NBAS: variants seen among roughly 807,000 people sequenced by gnomAD.
NBAS encodes NAG/BC035112 fusion.
In NBAS, 219 loss-of-function variants were observed where a neutral mutation model predicts 302.5. The ratio of observed to expected loss-of-function variants is 0.72; its 90% CI spans 0.65 to 0.81. NBAS has a LOEUF of 0.81. Among genes scored for constraint, NBAS ranks in the 30% least tolerant of loss-of-function variants. The probability of loss-of-function intolerance (pLI) is 0.00; values close to 1 mark genes in which losing one functional copy is unlikely to be tolerated. For missense variants in NBAS, 2,932 were observed against 2,841.6 expected (o/e 1.03, Z -0.72); for synonymous variants, 1,118 against 1,021.6 (o/e 1.09, Z -1.80).
At chr2:14,860,365 G>A in the NBAS span, among the ~76,000 whole-genome samples, 3 of 152,150 alleles carry the variant, frequency 2.0e-5, no homozygotes, top group Non-Finnish European at 2.9e-5. Flanking sequence ...TTGATGTACT[G>A]AAGAGACATC....
At chr2:15,537,786 T>A (rs1468874861) in intron 7 of NBAS, among the ~76,000 whole-genome samples, 1 of 152,218 alleles carries the variant, frequency 6.6e-6, no homozygotes, top group Middle Eastern at 3.2e-3. Context: ...AGAAGCTCCC[T>A]GTACATGTAA....
chr2:15,429,275 A>T (rs1677641063), intron 21 of NBAS, among the ~76,000 whole-genome samples: 2 of 152,344 alleles, frequency 1.3e-5, no homozygotes, highest in Middle Eastern at 3.4e-3. Flanking sequence ...ATCATTCTGA[A>T]TTAAGAATAA....
chr2:15,012,862 A>T, the NBAS span, among the ~76,000 whole-genome samples: 3 of 147,564 alleles, frequency 2.0e-5, no homozygotes, highest in Admixed American at 6.8e-5. Context: ...AAACTATGGA[A>T]TTTTTTTTTT....
chr2:15,553,339 A>G (rs1664471617), intron 5 of NBAS, 87 bp downstream of exon 5: 3 of 1,174,822 alleles, frequency 2.6e-6, no homozygotes, highest in Admixed American at 1.8e-5. Context: ...TTTTAAATAT[A>G]TCCCCTATAA....
chr2:15,148,990 G>C, the NBAS span, among the ~76,000 whole-genome samples: 1 of 152,122 alleles, frequency 6.6e-6, no homozygotes, highest in Admixed American at 6.5e-5. Context: ...AAAACCTTTT[G>C]ATATTTGCCT....
In NBAS at chr2:15,218,823, C is replaced by G. The variant is rs375991089; in HGVS notation, c.6382G>C (p.Val2128Leu). ...AGAATGGCTTCAGTTCTAAAGAACA[C>G]GAGGAGCTTGCTGTCCTCCTCAGTC... ...HLTEEDSKLL[V>L]FFRTEAILKA... The change falls in exon 48 of 52, where the codon GTG becomes CTG. Residue 2128 changes from valine to leucine, a missense_variant. Physicochemically the swap from Val to Leu is conservative, Grantham distance 32 (BLOSUM62 1). Transcript: ENST00000281513. 1.9e-6 allele frequency: 3 copies of G among 1,614,134 alleles called. No individual in the cohort carries two copies. The highest frequency in any genetic ancestry group is 2.7e-5 in the African/African-American group (2 of 74,942).
At chr2:15,544,338 GA>G (rs1234279586) in intron 6 of NBAS, among the ~76,000 whole-genome samples, 1 of 150,848 alleles carries the variant, frequency 6.6e-6, no homozygotes, top group Non-Finnish European at 1.5e-5. Context: ...ACTTTATAAA[GA>G]AAAAAAGTGA....
At chr2:14,851,330 A>G in the NBAS span, among the ~76,000 whole-genome samples, 1 of 151,706 alleles carries the variant, frequency 6.6e-6, no homozygotes, top group Non-Finnish European at 1.5e-5. Context: ...GAAAATCTAG[A>G]AGAAATGGAT....
intron 48 of NBAS, among the ~76,000 whole-genome samples, chr2:15,200,249 G>A (rs976190465): frequency 3.9e-5 from 6 of 152,058 alleles, no homozygotes; most frequent in African/African-American, 1.4e-4. Flanking sequence ...AGACTAGACA[G>A]GACAGGAAAA....
chr2:14,882,088 G>C, the NBAS span, among the ~76,000 whole-genome samples: 1 of 152,066 alleles, frequency 6.6e-6, no homozygotes, highest in African/African-American at 2.4e-5. Flanking sequence ...CATTACCCTA[G>C]CACTGCCCCC....
At chr2:15,212,705 G>A (rs556346936) in intron 48 of NBAS, among the ~76,000 whole-genome samples, 1 of 152,294 alleles carries the variant, frequency 6.6e-6, no homozygotes, top group East Asian at 1.9e-4. Flanking sequence ...CTATTCTCGT[G>A]ATAGTAAGTT....
chr2:15,494,879 T>C (rs1460081513), intron 11 of NBAS, among the ~76,000 whole-genome samples: 1 of 152,172 alleles, frequency 6.6e-6, no homozygotes, highest in Non-Finnish European at 1.5e-5. Context: ...TAATTCTGCA[T>C]TTTTACCCCC....
the NBAS span, among the ~76,000 whole-genome samples, chr2:15,087,945 G>A: frequency 7.2e-3 from 1,093 of 152,300 alleles, 11 homozygotes; most frequent in African/African-American, 0.024. Context: ...CAAAACACGC[G>A]GAGAGTGAAA....
At chr2:15,504,518 T>C (rs1661749043) in intron 10 of NBAS, among the ~76,000 whole-genome samples, 1 of 152,178 alleles carries the variant, frequency 6.6e-6, no homozygotes, top group Admixed American at 6.5e-5. Flanking sequence ...CTGCCCAAGG[T>C]TGCCATTTTA....
At chr2:15,475,972 T>C in intron 13 of NBAS, 92 bp from the exon 14 acceptor site, 1 of 996,354 alleles carries the variant, frequency 1.0e-6, no homozygotes, top group Non-Finnish European at 1.5e-6. Flanking sequence ...TAAAACAAAA[T>C]TTATCTACAT....
At chr2:14,921,625 G>A in the NBAS span, among the ~76,000 whole-genome samples, 1 of 152,160 alleles carries the variant, frequency 6.6e-6, no homozygotes, top group Non-Finnish European at 1.5e-5. Flanking sequence ...AGCATGAGGT[G>A]CCTGTCAAGT....
In NBAS at chr2:15,292,714, T is replaced by C. The variant is rs750184239; in HGVS notation, c.4850A>G (p.Glu1617Gly). ...AAGGTCTTCAGGCCAGGCTTCGTGC[T>C]CATGTCGAGTCACATGCCTGGTGAC... Reference protein sequence around the residue: ...KMVTRHVTRHEHEAWPEDLIS... With the variant: ...KMVTRHVTRHGHEAWPEDLIS... Residue 1617 changes from glutamate to glycine, a missense_variant, in exon 41 of 52, where the codon GAG becomes GGG. Glu to Gly is a moderately conservative substitution (Grantham distance 98, BLOSUM62 -2). Transcript: ENST00000281513. 1 of 1,614,212 alleles carries C rather than the reference T, an allele frequency of 6.2e-7. No homozygotes were observed. The highest frequency in any genetic ancestry group is 8.5e-7 in the Non-Finnish European group (1 of 1,180,044).
chr2:15,417,073 C>G (rs2148462697), intron 24 of NBAS, among the ~76,000 whole-genome samples: 1 of 152,292 alleles, frequency 6.6e-6, no homozygotes. Context: ...GGAGAAAGCA[C>G]AGAATGATCT....
chr2:14,840,672 A>C, the NBAS span, among the ~76,000 whole-genome samples: 1 of 152,086 alleles, frequency 6.6e-6, no homozygotes, highest in Admixed American at 6.6e-5. Context: ...AAAATATTGT[A>C]TCTAGCATAG....
Sources: allele counts gnomAD v4.1 joint callset (sites outside exome capture counted in the v4.1 genomes callset), GRCh38; gene constraint gnomAD v4.1.1; transcripts MANE v1.5; gene names NCBI Gene and HGNC (gene_info 2026-07-23, HGNC 2026-07-21).